OR2L13: variants seen among roughly 807,000 people sequenced by gnomAD.
OR2L13 encodes olfactory receptor 2L13.
OR2L13 carries 14 observed loss-of-function variants against 15.3 expected under a neutral mutation model. The ratio of observed to expected loss-of-function variants is 0.91; its 90% confidence interval spans 0.60 to 1.43. The LOEUF is 1.43. OR2L13 is among the 40% of genes most tolerant of loss of function. The probability of loss-of-function intolerance (pLI) is 0.00; values close to 1 mark genes in which losing one functional copy is unlikely to be tolerated. For missense variants in OR2L13, 367 were observed against 387.9 expected, an observed-to-expected ratio of 0.95 and a Z score of 0.45; for synonymous variants, 152 against 142.9, an observed-to-expected ratio of 1.06 and a Z score of -0.45.
the OR2L13 span, among the ~76,000 whole-genome samples, chr1:247,960,345 C>T: frequency 6.6e-6 from 1 of 152,190 alleles, no homozygotes; most frequent in Non-Finnish European, 1.5e-5. Context: ...TGTCAGTCCA[C>T]CCCTACTGGG....
At chr1:248,028,140 C>CAAAAAAAAAAAAAAAAAA in the OR2L13 span, among the ~76,000 whole-genome samples, 1 of 37,780 alleles carries the variant, frequency 2.6e-5, no homozygotes, top group Non-Finnish European at 4.9e-5. Context: ...GATTCCGTCT[C>CAAAAAAAAAAAAAAAAAA]AAAAAAAAAA....
At chr1:247,976,646 A>G in the OR2L13 span, among the ~76,000 whole-genome samples, 63 of 152,280 alleles carry the variant, frequency 4.1e-4, no homozygotes, top group South Asian at 0.012. Context: ...GAAATCAATA[A>G]TCAATCAATC....
chr1:248,026,012 TGA>T, the OR2L13 span, among the ~76,000 whole-genome samples: 1 of 151,970 alleles, frequency 6.6e-6, no homozygotes. Context: ...GAGGAGTTAA[TGA>T]GTGCAGCACA....
At chr1:248,061,544 T>C in the OR2L13 span, 1 of 1,613,880 alleles carries the variant, frequency 6.2e-7, no homozygotes, top group Admixed American at 1.7e-5. Flanking sequence ...AACCCCATCA[T>C]CTATAGCCTG....
the OR2L13 span, among the ~76,000 whole-genome samples, chr1:248,075,906 G>A: frequency 3.9e-5 from 6 of 152,144 alleles, no homozygotes; most frequent in African/African-American, 1.4e-4. Flanking sequence ...TGGTGTTTTA[G>A]TCATGACGCC....
chr1:248,068,462 A>G, the OR2L13 span, among the ~76,000 whole-genome samples: 1 of 152,186 alleles, frequency 6.6e-6, no homozygotes, highest in African/African-American at 2.4e-5. Context: ...GAAAACTAAC[A>G]AACAGAAAGG....
At chr1:248,067,635 C>G in the OR2L13 span, among the ~76,000 whole-genome samples, 2 of 152,178 alleles carry the variant, frequency 1.3e-5, no homozygotes, top group Non-Finnish European at 2.9e-5. Context: ...GAGTGCCAGA[C>G]AGTGGGCACA....
At chr1:248,027,466 C>A in the OR2L13 span, among the ~76,000 whole-genome samples, 1 of 152,170 alleles carries the variant, frequency 6.6e-6, no homozygotes, top group African/African-American at 2.4e-5. Flanking sequence ...TACACTTCCT[C>A]CCCTTTTGAA....
chr1:247,978,841 T>A, the OR2L13 span, among the ~76,000 whole-genome samples: 6 of 151,866 alleles, frequency 4.0e-5, no homozygotes, highest in African/African-American at 9.7e-5. Flanking sequence ...CACTCGGACC[T>A]GTCTACTCTC....
At chr1:248,029,779 A>G in the OR2L13 span, among the ~76,000 whole-genome samples, 1 of 152,196 alleles carries the variant, frequency 6.6e-6, no homozygotes, top group Non-Finnish European at 1.5e-5. Context: ...CAACATTCAA[A>G]CTATAGGGTT....
At chr1:247,990,757 C>T in the OR2L13 span, 52 of 1,599,186 alleles carry the variant, frequency 3.3e-5, no homozygotes, top group South Asian at 4.4e-5. Flanking sequence ...ATATGCACTC[C>T]GTATCCCATA....
chr1:248,009,802 A>G, the OR2L13 span, among the ~76,000 whole-genome samples: 1 of 152,190 alleles, frequency 6.6e-6, no homozygotes, highest in Non-Finnish European at 1.5e-5. Flanking sequence ...ACAGCATATC[A>G]CAAAACTTAT....
At chr1:248,011,924 GT>G in the OR2L13 span, among the ~76,000 whole-genome samples, 1 of 152,074 alleles carries the variant, frequency 6.6e-6, no homozygotes, top group African/African-American at 2.4e-5. Flanking sequence ...TATCACCTGA[GT>G]CTTGTATCTT....
chr1:248,016,688 AT>A, the OR2L13 span, among the ~76,000 whole-genome samples: 1 of 151,914 alleles, frequency 6.6e-6, no homozygotes, highest in Non-Finnish European at 1.5e-5. Flanking sequence ...TAGACCACAC[AT>A]TTTTTTAAAC....
At chr1:247,996,741 C>A in the OR2L13 span, among the ~76,000 whole-genome samples, 1 of 152,164 alleles carries the variant, frequency 6.6e-6, no homozygotes, top group Non-Finnish European at 1.5e-5. Flanking sequence ...CTTACCTCCT[C>A]TTTCAGCACA....
At chr1:247,961,776 A>G in the OR2L13 span, among the ~76,000 whole-genome samples, 5 of 152,172 alleles carry the variant, frequency 3.3e-5, no homozygotes, top group Non-Finnish European at 7.3e-5. Flanking sequence ...AAATAATTTC[A>G]TGGATAAAAT....
chr1:248,001,840 GT>G, the OR2L13 span, among the ~76,000 whole-genome samples: 12 of 152,176 alleles, frequency 7.9e-5, no homozygotes, highest in Middle Eastern at 3.4e-3. Context: ...TTATTATGCT[GT>G]TTTATGTTCC....
the OR2L13 span, chr1:248,003,717 G>T: frequency 6.2e-7 from 1 of 1,613,542 alleles, no homozygotes; most frequent in Non-Finnish European, 8.5e-7. Flanking sequence ...GTCTATGAGG[G>T]CACAGTGCTT....
chr1:247,943,370 G>A, the OR2L13 span, among the ~76,000 whole-genome samples: 6 of 151,954 alleles, frequency 3.9e-5, no homozygotes, highest in Admixed American at 3.9e-4. Flanking sequence ...CCAAACCTCA[G>A]CATCACACAA....
Sources: allele counts gnomAD v4.1 joint callset (sites outside exome capture counted in the v4.1 genomes callset), GRCh38; gene constraint gnomAD v4.1.1; transcripts MANE v1.5; gene names NCBI Gene and HGNC (gene_info 2026-07-23, HGNC 2026-07-21).